The following ATP11A variants were observed in gnomAD, a reference collection of about 807,000 sequenced individuals.
The protein encoded by ATP11A is phospholipid-transporting ATPase IH.
A neutral mutation model predicts 154.4 loss-of-function variants in ATP11A; 81 were observed. The observed-to-expected ratio is 0.52, with a 90% CI of 0.44 to 0.63. ATP11A has a LOEUF of 0.63. Ranked by LOEUF, ATP11A falls within the 30% of genes least tolerant of loss-of-function variation. The pLI is 0.00. For missense variants in ATP11A, 1,316 were observed against 1,474.3 expected, an observed-to-expected ratio of 0.89 and a Z score of 1.76; for synonymous variants, 623 against 585.9, an observed-to-expected ratio of 1.06 and a Z score of -0.91.
In ATP11A at chr13:112,724,689, G is replaced by GC. The variant is rs372146883; in HGVS notation, c.39+34243dup. On this transcript the variant is annotated intron_variant, in intron 1 of 29. Coordinates refer to ENST00000375645, the MANE Select transcript of ATP11A (RefSeq NM_015205.3). ...GCAGCCCTGTCCTGGGGTGAGGCCGGCCCCCCCCCAGGAAGCTGTTTGGGG... is the reference window on the plus strand; with the variant it reads ...GCAGCCCTGTCCTGGGGTGAGGCCGGCCCCCCCCCCAGGAAGCTGTTTGGGG... 5.9e-3 allele frequency among the ~76,000 whole-genome samples: 880 copies of GC among 150,150 alleles called. 5 individuals carry two copies. Among genetic ancestry groups the GC allele is most frequent in the African/African-American group, 0.019 (769 of 40,870 alleles).
intron 1 of ATP11A, among the ~76,000 whole-genome samples, chr13:112,692,952 A>G (rs1885370860): frequency 6.6e-6 from 1 of 152,234 alleles, no homozygotes; most frequent in Non-Finnish European, 1.5e-5. Flanking sequence ...ATTAAAAAGG[A>G]TAGATAAATA....
At chr13:112,796,629 G>A (rs2078005388) in intron 2 of ATP11A, among the ~76,000 whole-genome samples, 1 of 152,214 alleles carries the variant, frequency 6.6e-6, no homozygotes, top group Non-Finnish European at 1.5e-5. Context: ...CTGACCTCCA[G>A]AACAGTAAGG....
chr13:112,870,837 G>A (rs1439020076), intron 25 of ATP11A, among the ~76,000 whole-genome samples: 6 of 152,268 alleles, frequency 3.9e-5, no homozygotes, highest in African/African-American at 1.4e-4. Flanking sequence ...GGCGGGGGGT[G>A]GTCTGGGCAG....
intron 1 of ATP11A, among the ~76,000 whole-genome samples, chr13:112,757,364 T>G (rs968403527): frequency 3.9e-5 from 6 of 152,266 alleles, no homozygotes; most frequent in African/African-American, 1.4e-4. Flanking sequence ...TAGAAGGCAA[T>G]GTGTTTAATC....
intron 1 of ATP11A, among the ~76,000 whole-genome samples, chr13:112,780,609 C>T (rs1213126816): frequency 3.9e-5 from 6 of 152,160 alleles, no homozygotes; most frequent in Non-Finnish European, 8.8e-5. Flanking sequence ...TTTTTGTGCC[C>T]CTCCAGGAGT....
intron 1 of ATP11A, among the ~76,000 whole-genome samples, chr13:112,761,107 G>A (rs1014485289): frequency 2.0e-5 from 3 of 152,062 alleles, no homozygotes; most frequent in South Asian, 2.1e-4. Context: ...TCCAGGCTGC[G>A]GACGCTCCCC....
intron 2 of ATP11A, among the ~76,000 whole-genome samples, chr13:112,788,205 G>C (rs560007772): frequency 6.7e-6 from 1 of 149,266 alleles, no homozygotes; most frequent in African/African-American, 2.5e-5. Context: ...GACTCCTGTG[G>C]AGACCTACTT....
At position 112,793,590 on chromosome 13, in the gene ATP11A, G is replaced by T. The variant is rs117356879; in HGVS notation, c.162+8333G>T. Among the ~76,000 whole-genome samples the T allele has an allele frequency of 1.8e-3, 281 of 152,318 alleles. 2 individuals are homozygous for T. The East Asian group carries it at 0.02, about 11-fold the overall frequency. ...ATCCTGGCATAATTTTCTGTGTTTTGCATCCCTGCCTCCCGGTCATAAACA... is the reference window on the plus strand; with the variant it reads ...ATCCTGGCATAATTTTCTGTGTTTTTCATCCCTGCCTCCCGGTCATAAACA... On this transcript the variant is annotated intron_variant, in intron 2 of 29. Coordinates refer to ENST00000375645, the MANE Select transcript of ATP11A (RefSeq NM_015205.3).
At chr13:112,739,175 G>C (rs1421894730) in intron 1 of ATP11A, among the ~76,000 whole-genome samples, 2 of 152,202 alleles carry the variant, frequency 1.3e-5, no homozygotes, top group Non-Finnish European at 2.9e-5. Context: ...CATTACGAAA[G>C]TGAAAAGAAA....
rs1594245678 is a variant in ATP11A, at chr13:112,873,363, T to C, written c.3058-210T>C. ...GGTGTGAGGTGTGGCTTTGTCTTCCTGAGCGGTGTGAGGTGTGGCTTTGTC... is the reference window on the plus strand; with the variant it reads ...GGTGTGAGGTGTGGCTTTGTCTTCCCGAGCGGTGTGAGGTGTGGCTTTGTC... On this transcript the variant is annotated intron_variant, in intron 26 of 29. Transcript: ENST00000375645. The C allele has an allele frequency of 1.1e-5, 6 of 529,864 alleles. No homozygotes were observed. The East Asian group carries it at 2.1e-4, about 18-fold the overall frequency. The allele number at this position is 529,864 out of a possible 1,614,324, so 32.8% of individuals were successfully genotyped here. A position where few individuals can be genotyped will look rare whatever the true frequency, so the allele number is the denominator to read the frequency against.
chr13:112,760,064 TAGAA>T (rs1204121833), intron 1 of ATP11A, among the ~76,000 whole-genome samples: 4 of 152,094 alleles, frequency 2.6e-5, no homozygotes, highest in African/African-American at 9.7e-5. Flanking sequence ...GGAAGAGAAA[TAGAA>T]AGATTTGACT....
At chr13:112,766,800 G>A (rs577378528) in intron 1 of ATP11A, among the ~76,000 whole-genome samples, 1 of 59,362 alleles carries the variant, frequency 1.7e-5, no homozygotes, top group South Asian at 6.5e-4. Flanking sequence ...ATGTGGGGGC[G>A]TTGGGGGCCA....
intron 16 of ATP11A, 47 bp from the exon 17 acceptor site, chr13:112,842,229 G>C (rs2079442235): frequency 1.4e-6 from 2 of 1,391,744 alleles, no homozygotes; most frequent in Non-Finnish European, 2.0e-6. Flanking sequence ...AAATAATCTA[G>C]TCTTCCCCAT....
intron 5 of ATP11A, chr13:112,811,816 C>T (rs1402233926): frequency 1.3e-5 from 2 of 152,188 alleles, no homozygotes; most frequent in Admixed American, 1.3e-4. Context: ...AAATGTTGGC[C>T]AGACTGGTCT....
At chr13:112,812,583 G>A (rs776159619) in intron 5 of ATP11A, among the ~76,000 whole-genome samples, 2 of 152,198 alleles carry the variant, frequency 1.3e-5, no homozygotes, top group African/African-American at 2.4e-5. Context: ...CCAGTGGGAC[G>A]GGACCCCAGG....
intron 1 of ATP11A, among the ~76,000 whole-genome samples, chr13:112,783,553 C>A (rs900574365): frequency 6.6e-6 from 1 of 152,226 alleles, no homozygotes; most frequent in African/African-American, 2.4e-5. Context: ...CGGCAGTGCC[C>A]GCTCGTCCTT....
At chr13:112,799,283 T>C (rs2078074209) in intron 2 of ATP11A, among the ~76,000 whole-genome samples, 1 of 152,216 alleles carries the variant, frequency 6.6e-6, no homozygotes, top group Admixed American at 6.5e-5. Flanking sequence ...ATCAGTCCCT[T>C]GGATCTAATG....
At chr13:112,717,722 C>G (rs1888631608) in intron 1 of ATP11A, 1 of 152,216 alleles carries the variant, frequency 6.6e-6, no homozygotes, top group Admixed American at 6.5e-5. Flanking sequence ...GGTGAGAAAA[C>G]AGTACATGTT....
chr13:112,881,237 T>C, intron 29 of ATP11A: 1 of 990,012 alleles, frequency 1.0e-6, no homozygotes, highest in African/African-American at 1.7e-5. Flanking sequence ...CCCTTGCTGG[T>C]CAGACCCACA....
Sources: gnomAD v4.1 joint callset for allele counts (sites outside exome capture counted in the v4.1 genomes callset) on GRCh38, gnomAD v4.1.1 for gene constraint, MANE v1.5 for transcripts, NCBI Gene and HGNC (gene_info 2026-07-23, HGNC 2026-07-21) for gene names.